The following NCMAP variants were observed in gnomAD, a reference collection of about 807,000 sequenced individuals.
NCMAP encodes the protein non-compact myelin associated protein, also known as noncompact myelin-associated protein.
Under a neutral mutation model 7.8 loss-of-function variants are expected in NCMAP, and 8 were observed. The observed-to-expected ratio is 1.02, with a 90% CI of 0.60 to 1.84. The LOEUF is 1.84. Ranked by LOEUF, NCMAP falls within the 40% of genes most tolerant of loss-of-function variation. The probability of loss-of-function intolerance (pLI) is 0.00; values close to 1 mark genes in which losing one functional copy is unlikely to be tolerated. For synonymous variants in NCMAP, 41 were observed against 52.9 expected (o/e 0.78, Z 0.98); for missense variants, 112 against 131.4 (o/e 0.85, Z 0.72).
chr1:24,580,924 G>A (rs4073051), intron 1 of NCMAP, among the ~76,000 whole-genome samples: 102,449 of 152,082 alleles, frequency 0.67, 34,725 homozygotes, highest in East Asian at 0.83. Context: ...ATACTCAGCC[G>A]TCGGCTTTTC....
At chr1:24,582,852 G>A (rs1651782537) in intron 1 of NCMAP, among the ~76,000 whole-genome samples, 1 of 152,200 alleles carries the variant, frequency 6.6e-6, no homozygotes, top group Non-Finnish European at 1.5e-5. Flanking sequence ...AGATGCCTCA[G>A]GCAAGTTTCC....
intron 1 of NCMAP, among the ~76,000 whole-genome samples, chr1:24,593,733 C>A (rs989059884): frequency 6.6e-6 from 1 of 152,078 alleles, no homozygotes; most frequent in African/African-American, 2.4e-5. Flanking sequence ...CTAGGCAATT[C>A]TCTCAATGTA....
intron 2 of NCMAP, among the ~76,000 whole-genome samples, chr1:24,598,667 C>A (rs1210343717): frequency 6.6e-6 from 1 of 151,154 alleles, no homozygotes; most frequent in East Asian, 2.0e-4. Context: ...TCTCACTCTG[C>A]CGCCCAGGCT....
In NCMAP at chr1:24,567,181, A is replaced by G. The variant is rs182808632; in HGVS notation, c.-8+11012A>G. 3.3e-3 allele frequency among the ~76,000 whole-genome samples: 495 copies of G among 152,238 alleles called. 4 individuals are homozygous for G. The highest frequency in any genetic ancestry group is 5.6e-3 in the Non-Finnish European group (381 of 68,012). On this transcript the variant is annotated intron_variant, in intron 1 of 3. Transcript: ENST00000374392. ...CCCATACGCACACATGCATTCACGC[A>G]TTTATTCATTCAAGTGCCTTCTAAA... is the stretch of plus-strand genomic sequence containing the variant.
chr1:24,585,978 C>T (rs72654625), intron 1 of NCMAP, among the ~76,000 whole-genome samples: 10,881 of 152,226 alleles, frequency 0.071, 440 homozygotes, highest in East Asian at 0.15. Context: ...AATTCAAGCT[C>T]CAAAGAGAGC....
chr1:24,598,094 A>T (rs914546539), intron 2 of NCMAP, among the ~76,000 whole-genome samples: 2 of 152,160 alleles, frequency 1.3e-5, no homozygotes, highest in Non-Finnish European at 2.9e-5. Context: ...CTGAGGTTGA[A>T]AAACCCAGAA....
intron 1 of NCMAP, among the ~76,000 whole-genome samples, chr1:24,591,633 T>C (rs2148934350): frequency 6.6e-6 from 1 of 152,280 alleles, no homozygotes; most frequent in South Asian, 2.1e-4. Context: ...AGCCTGGGCC[T>C]GTTTCAGGTG....
At chr1:24,588,399 C>T (rs1043858468) in intron 1 of NCMAP, among the ~76,000 whole-genome samples, 1 of 152,080 alleles carries the variant, frequency 6.6e-6, no homozygotes, top group Non-Finnish European at 1.5e-5. Flanking sequence ...TTTGGTGGGT[C>T]GAGGGCTTTC....
intron 1 of NCMAP, among the ~76,000 whole-genome samples, chr1:24,564,823 G>A (rs1029967862): frequency 2.0e-5 from 3 of 152,038 alleles, no homozygotes; most frequent in African/African-American, 7.2e-5. Context: ...AACTGGGTTG[G>A]CATTATTCTT....
intron 1 of NCMAP, among the ~76,000 whole-genome samples, chr1:24,586,119 T>A (rs1482437914): frequency 1.3e-5 from 2 of 152,168 alleles, no homozygotes; most frequent in Non-Finnish European, 1.5e-5. Flanking sequence ...GGGGCTGTTA[T>A]CCCTGTTTTA....
intron 3 of NCMAP, among the ~76,000 whole-genome samples, chr1:24,604,788 G>T (rs1652663089): frequency 6.7e-6 from 1 of 149,176 alleles, no homozygotes; most frequent in South Asian, 2.2e-4. Flanking sequence ...AGACCAGCCT[G>T]GCCAACATGG....
intron 2 of NCMAP, among the ~76,000 whole-genome samples, chr1:24,596,845 A>G (rs1294576738): frequency 6.6e-6 from 1 of 152,160 alleles, no homozygotes; most frequent in East Asian, 1.9e-4. Context: ...GGAAGGAAAA[A>G]TTTCAGGATG....
chr1:24,593,857 A>ATTATTTAT lies in NCMAP; in HGVS notation c.-7-1528_-7-1521dup, dbSNP rs139852120. ...TTCTTGACCCCTATAGTTCAGAGCGATTATTTATTTATTTATTTATTTATT... is the reference window on the plus strand; with the variant it reads ...TTCTTGACCCCTATAGTTCAGAGCGATTATTTATTTATTTATTTATTTATTTATTTATT... On this transcript the variant is annotated intron_variant, in intron 1 of 3. Coordinates refer to ENST00000374392, the MANE Select transcript of NCMAP (RefSeq NM_001010980.5). 2.6e-3 allele frequency among the ~76,000 whole-genome samples: 382 copies of ATTATTTAT among 144,716 alleles called. 1 individual carries two copies. Among genetic ancestry groups the ATTATTTAT allele is most frequent in the Non-Finnish European group, 3.7e-3 (242 of 66,224 alleles). The allele number at this position is 144,716 out of a possible 152,430, so 94.9% of individuals were successfully genotyped here. A position where few individuals can be genotyped will look rare whatever the true frequency, so the allele number is the denominator to read the frequency against.
chr1:24,581,862 T>G (rs1019030711), intron 1 of NCMAP, among the ~76,000 whole-genome samples: 6 of 152,226 alleles, frequency 3.9e-5, no homozygotes, highest in Non-Finnish European at 8.8e-5. Flanking sequence ...ATGAGTTAAC[T>G]AGGCAAATAA....
At position 24,593,857 on chromosome 1, in the gene NCMAP, ATTATTTATTTATTTATTTAT is replaced by A. The variant is rs139852120; in HGVS notation, c.-7-1540_-7-1521del. Among the ~76,000 whole-genome samples the A allele has an allele frequency of 2.1e-4, 30 of 144,720 alleles. 1 individual carries two copies. In the South Asian group the frequency reaches 4.1e-3, roughly 20 times the overall value. 94.9% of individuals were successfully genotyped at this position (144,720 alleles called of 152,430 possible). Reference sequence around the variant, plus strand: ...TTCTTGACCCCTATAGTTCAGAGCGATTATTTATTTATTTATTTATTTATTTATTTATTTATTTATTTATT... The same window carrying A: ...TTCTTGACCCCTATAGTTCAGAGCGATTATTTATTTATTTATTTATTTATT... On this transcript the variant is annotated intron_variant, in intron 1 of 3. Transcript: ENST00000374392.
intron 1 of NCMAP, among the ~76,000 whole-genome samples, chr1:24,579,277 T>TG (rs1374869762): frequency 3.3e-5 from 5 of 152,244 alleles, no homozygotes; most frequent in African/African-American, 1.2e-4. Flanking sequence ...ATGCAATATC[T>TG]TAGCTGTCTG....
intron 1 of NCMAP, among the ~76,000 whole-genome samples, chr1:24,586,838 T>C (rs1191102803): frequency 6.6e-6 from 1 of 150,834 alleles, no homozygotes; most frequent in Non-Finnish European, 1.5e-5. Flanking sequence ...AGGATAAATG[T>C]GAAAAAGAGT....
chr1:24,581,566 A>G (rs1651745791), intron 1 of NCMAP, among the ~76,000 whole-genome samples: 1 of 152,210 alleles, frequency 6.6e-6, no homozygotes, highest in Non-Finnish European at 1.5e-5. Context: ...AAGTTACTGC[A>G]CGGACTGAGA....
At chr1:24,567,963 T>C (rs1304991638) in intron 1 of NCMAP, among the ~76,000 whole-genome samples, 4 of 151,822 alleles carry the variant, frequency 2.6e-5, no homozygotes, top group African/African-American at 9.7e-5. Context: ...ATAGAGAGAA[T>C]CGACCGAGGG....
Sources: gnomAD v4.1 joint callset for allele counts (sites outside exome capture counted in the v4.1 genomes callset) on GRCh38, gnomAD v4.1.1 for gene constraint, MANE v1.5 for transcripts, NCBI Gene and HGNC (gene_info 2026-07-23, HGNC 2026-07-21) for gene names.